INPP4B: variants seen among roughly 807,000 people sequenced by gnomAD.
INPP4B encodes inositol polyphosphate-4-phosphatase type II B.
Under a neutral mutation model 122.5 loss-of-function variants are expected in INPP4B, and 55 were observed. The ratio of observed to expected loss-of-function variants is 0.45; its 90% CI spans 0.36 to 0.56. The LOEUF is 0.56. Among genes scored for constraint, INPP4B ranks in the 20% least tolerant of loss-of-function variants. The pLI, the probability that INPP4B is intolerant of heterozygous loss-of-function variation, is 0.00. For synonymous variants in INPP4B, 403 were observed against 388.7 expected (o/e 1.04, Z -0.43); for missense variants, 1,000 against 1,097.7 (o/e 0.91, Z 1.26).
intron 2 of INPP4B, among the ~76,000 whole-genome samples, chr4:142,537,019 T>C (rs1361496713): frequency 3.9e-5 from 6 of 151,944 alleles, no homozygotes; most frequent in African/African-American, 1.2e-4. Flanking sequence ...ATGGTCTTGA[T>C]CTCTTGACCT....
chr4:142,467,713 C>T (rs1049478748), intron 2 of INPP4B, among the ~76,000 whole-genome samples: 9 of 151,958 alleles, frequency 5.9e-5, no homozygotes, highest in Non-Finnish European at 7.4e-5. Flanking sequence ...CATGAGATTT[C>T]GGGGTCCAGG....
At chr4:142,218,182 G>A (rs1417820367) in intron 12 of INPP4B, among the ~76,000 whole-genome samples, 1 of 152,160 alleles carries the variant, frequency 6.6e-6, no homozygotes, top group African/African-American at 2.4e-5. Flanking sequence ...GTGATGGTGG[G>A]AGGGAGATGG....
Position 142,244,841 on chromosome 4 carries a change from A to G in INPP4B, c.689-6830T>C, listed in dbSNP as rs533546506. 2.7e-3 allele frequency among the ~76,000 whole-genome samples: 412 copies of G among 152,220 alleles called. 5 individuals are homozygous for G. Among genetic ancestry groups the G allele is most frequent in the African/African-American group, 8.4e-3 (350 of 41,524 alleles). ...AATGGTTGAACTAACTTACACTCCT[A>G]CCAACAGTGTAAAAGCGTTCCTATT... On this transcript the variant is annotated intron_variant, in intron 11 of 25. Coordinates refer to ENST00000262992, the MANE Select transcript of INPP4B (RefSeq NM_001101669.3).
intron 5 of INPP4B, among the ~76,000 whole-genome samples, chr4:142,411,977 C>A (rs1458196333): frequency 6.6e-6 from 1 of 152,154 alleles, no homozygotes; most frequent in East Asian, 1.9e-4. Context: ...TATCTCACAT[C>A]ATTTCCCTAA....
At chr4:142,802,897 CG>C in intron 1 of INPP4B, among the ~76,000 whole-genome samples, 1 of 151,750 alleles carries the variant, frequency 6.6e-6, no homozygotes, top group Non-Finnish European at 1.5e-5. Flanking sequence ...AGGCTGGGTG[CG>C]GTGGCTCATC....
rs541694489 is a variant in INPP4B, at chr4:142,143,506, C to T, written c.1720+2334G>A. On this transcript the variant is annotated intron_variant, in intron 18 of 25. Transcript: ENST00000262992. ...GGCAAAAGGAGAAGCTTTCCGTTCA[C>T]CCACACATACACATGCATTGAGACA... 3.9e-5 allele frequency among the ~76,000 whole-genome samples: 6 copies of T among 152,096 alleles called. No individual in the cohort carries two copies. In the East Asian group the frequency reaches 9.7e-4, roughly 24 times the overall value.
chr4:142,391,400 A>C (rs554837168), intron 7 of INPP4B, among the ~76,000 whole-genome samples: 11 of 152,246 alleles, frequency 7.2e-5, no homozygotes, highest in African/African-American at 2.4e-5. Flanking sequence ...TCTACTAAAA[A>C]ACACACAAAA....
intron 7 of INPP4B, among the ~76,000 whole-genome samples, chr4:142,358,778 C>T (rs952164190): frequency 7.9e-5 from 12 of 151,746 alleles, no homozygotes; most frequent in Non-Finnish European, 1.2e-4. Flanking sequence ...TACAAATGCA[C>T]ATGCCCACAC....
intron 1 of INPP4B, among the ~76,000 whole-genome samples, chr4:142,845,810 C>T (rs2151226336): frequency 6.6e-6 from 1 of 152,196 alleles, no homozygotes; most frequent in East Asian, 2.0e-4. Context: ...CCAACCTCAG[C>T]GTCTCTCAGG....
chr4:142,030,336 AAATAGTAT>A lies in INPP4B; in HGVS notation c.2643-1430_2643-1423del, dbSNP rs768449069. 4.6e-5 allele frequency: 70 copies of A among 1,526,122 alleles called. No homozygotes were observed. The African/African-American group carries it at 6.6e-4, about 14-fold the overall frequency. The allele number at this position is 1,526,122 out of a possible 1,614,324, so 94.5% of individuals were successfully genotyped here. Reference sequence around the variant, plus strand: ...TGAGGGGAAGTTGGGGGGGAAAAGAAAATAGTATAGAGTTCACACAGTAAAAAAAATTC... The same window carrying A: ...TGAGGGGAAGTTGGGGGGGAAAAGAAAGAGTTCACACAGTAAAAAAAATTC... On this transcript the variant is annotated intron_variant, in intron 25 of 25. Transcript: ENST00000262992.
chr4:142,260,888 T>C (rs575551433), intron 10 of INPP4B, among the ~76,000 whole-genome samples: 1 of 152,352 alleles, frequency 6.6e-6, no homozygotes, highest in East Asian at 1.9e-4. Flanking sequence ...CTGAATCATT[T>C]TGTATTTCTT....
chr4:142,052,631 T>C (rs548947414), intron 25 of INPP4B, among the ~76,000 whole-genome samples: 7 of 151,888 alleles, frequency 4.6e-5, no homozygotes, highest in African/African-American at 1.7e-4. Flanking sequence ...AAGCCTTTTT[T>C]CCCATTTGGG....
chr4:142,440,788 C>T (rs985984335), intron 3 of INPP4B, among the ~76,000 whole-genome samples: 3 of 152,068 alleles, frequency 2.0e-5, no homozygotes, highest in Non-Finnish European at 4.4e-5. Flanking sequence ...TTATAAGATA[C>T]ACATATATGG....
At chr4:142,837,343 A>G (rs1441145966) in intron 1 of INPP4B, among the ~76,000 whole-genome samples, 2 of 152,170 alleles carry the variant, frequency 1.3e-5, no homozygotes, top group African/African-American at 4.8e-5. Context: ...TTTAGGGAGT[A>G]CAAATACAGT....
intron 2 of INPP4B, among the ~76,000 whole-genome samples, chr4:142,653,741 G>A (rs1753527453): frequency 6.6e-6 from 1 of 152,186 alleles, no homozygotes; most frequent in Non-Finnish European, 1.5e-5. Context: ...AAAGGATGTG[G>A]AGAAATAGGA....
At chr4:142,255,069 A>G (rs902880800) in intron 11 of INPP4B, among the ~76,000 whole-genome samples, 10 of 151,974 alleles carry the variant, frequency 6.6e-5, no homozygotes, top group African/African-American at 2.2e-4. Context: ...TAAAGAAAAG[A>G]ATTTTCAACC....
At chr4:142,564,439 CAAA>C in intron 2 of INPP4B, among the ~76,000 whole-genome samples, 1 of 97,930 alleles carries the variant, frequency 1.0e-5, no homozygotes, top group South Asian at 3.9e-4. Flanking sequence ...TAAGGAATGG[CAAA>C]AAAAAAAAAA....
chr4:142,437,718 C>T (rs534018411), intron 3 of INPP4B, among the ~76,000 whole-genome samples: 4 of 152,102 alleles, frequency 2.6e-5, no homozygotes, highest in East Asian at 1.9e-4. Flanking sequence ...CACAGAAATA[C>T]GAACTACCAT....
At chr4:142,520,556 A>T (rs757261359) in intron 2 of INPP4B, among the ~76,000 whole-genome samples, 2 of 151,992 alleles carry the variant, frequency 1.3e-5, no homozygotes, top group African/African-American at 4.8e-5. Flanking sequence ...TTATTATTGT[A>T]TTAAAATTGT....
Sources: gnomAD v4.1 joint callset for allele counts (sites outside exome capture counted in the v4.1 genomes callset) on GRCh38, gnomAD v4.1.1 for gene constraint, MANE v1.5 for transcripts, NCBI Gene and HGNC (gene_info 2026-07-23, HGNC 2026-07-21) for gene names.